Variants in ABTB3 observed in about 807,000 individuals in gnomAD.
ABTB3 encodes ankyrin repeat- and BTB/POZ domain-containing protein 3.
the ABTB3 span, among the ~76,000 whole-genome samples, chr12:107,636,404 A>T: frequency 6.6e-6 from 1 of 152,292 alleles, no homozygotes; most frequent in South Asian, 2.1e-4. Context: ...TAGGTTGGGG[A>T]CTTTTCCTAC....
the ABTB3 span, among the ~76,000 whole-genome samples, chr12:107,566,714 A>G: frequency 6.6e-6 from 1 of 150,986 alleles, no homozygotes; most frequent in South Asian, 2.1e-4. Flanking sequence ...CAGTTCATGA[A>G]AGATCTTTTC....
At chr12:107,503,817 C>G in the ABTB3 span, among the ~76,000 whole-genome samples, 2 of 143,442 alleles carry the variant, frequency 1.4e-5, no homozygotes, top group East Asian at 2.0e-4. Context: ...CTGGTTAATA[C>G]AGTGGGGTGG....
the ABTB3 span, among the ~76,000 whole-genome samples, chr12:107,555,822 A>G: frequency 6.6e-6 from 1 of 152,210 alleles, no homozygotes; most frequent in Non-Finnish European, 1.5e-5. Context: ...TAGAGACTCA[A>G]TGCAGGTAGT....
chr12:107,389,845 TTTGTGTG>T, the ABTB3 span, among the ~76,000 whole-genome samples: 1 of 65,676 alleles, frequency 1.5e-5, no homozygotes, highest in Non-Finnish European at 3.0e-5. Flanking sequence ...TGTGTGTGTG[TTTGTGTG>T]TGTGTGTGTG....
At chr12:107,423,327 C>T in the ABTB3 span, among the ~76,000 whole-genome samples, 3 of 152,138 alleles carry the variant, frequency 2.0e-5, no homozygotes, top group Non-Finnish European at 4.4e-5. Flanking sequence ...TGCTTGATAC[C>T]CATTTTCAGA....
the ABTB3 span, among the ~76,000 whole-genome samples, chr12:107,452,268 C>T: frequency 6.6e-5 from 9 of 137,030 alleles, no homozygotes; most frequent in South Asian, 6.9e-4. Flanking sequence ...GAGTGAGTGG[C>T]GCGGTCTCCG....
chr12:107,478,551 C>T, the ABTB3 span, among the ~76,000 whole-genome samples: 1 of 152,104 alleles, frequency 6.6e-6, no homozygotes, highest in South Asian at 2.1e-4. Context: ...AATCCAGGTG[C>T]ATTAAGATAG....
chr12:107,653,780 T>TA, the ABTB3 span, among the ~76,000 whole-genome samples: 1 of 152,228 alleles, frequency 6.6e-6, no homozygotes, highest in Non-Finnish European at 1.5e-5. Flanking sequence ...TGTATTATGG[T>TA]AAAATGTACA....
chr12:107,568,702 CT>C, the ABTB3 span, among the ~76,000 whole-genome samples: 7 of 152,164 alleles, frequency 4.6e-5, no homozygotes, highest in African/African-American at 1.4e-4. Context: ...CCCTCGTGGG[CT>C]TTTTCCCCTA....
At chr12:107,555,036 G>C in the ABTB3 span, among the ~76,000 whole-genome samples, 1,881 of 152,232 alleles carry the variant, frequency 0.012, 22 homozygotes, top group Non-Finnish European at 0.019. Context: ...GCTGAAATGA[G>C]TGGGTCCCCA....
At chr12:107,636,144 C>T in the ABTB3 span, among the ~76,000 whole-genome samples, 2 of 152,050 alleles carry the variant, frequency 1.3e-5, no homozygotes, top group Non-Finnish European at 2.9e-5. Context: ...CAGGTGTGCC[C>T]GGAAGCTGTA....
the ABTB3 span, among the ~76,000 whole-genome samples, chr12:107,384,442 C>T: frequency 6.6e-6 from 1 of 152,080 alleles, no homozygotes; most frequent in Non-Finnish European, 1.5e-5. Flanking sequence ...GAATGGAGAC[C>T]CTGGTTGGGT....
the ABTB3 span, among the ~76,000 whole-genome samples, chr12:107,328,813 G>C: frequency 6.6e-6 from 1 of 152,242 alleles, no homozygotes; most frequent in Non-Finnish European, 1.5e-5. Flanking sequence ...GGGGCCCCCA[G>C]GAGGATCCCA....
the ABTB3 span, among the ~76,000 whole-genome samples, chr12:107,615,775 G>A: frequency 6.6e-6 from 1 of 152,190 alleles, no homozygotes; most frequent in East Asian, 1.9e-4. Flanking sequence ...TCTGGCTGTT[G>A]TAGAGTTGGT....
chr12:107,647,395 C>T, the ABTB3 span, among the ~76,000 whole-genome samples: 1 of 152,054 alleles, frequency 6.6e-6, no homozygotes, highest in Non-Finnish European at 1.5e-5. Flanking sequence ...GTCCTAGCTA[C>T]TTGGGAGGCT....
At chr12:107,480,372 T>A in the ABTB3 span, among the ~76,000 whole-genome samples, 3 of 152,248 alleles carry the variant, frequency 2.0e-5, no homozygotes, top group African/African-American at 7.2e-5. Context: ...CTAGAAAGAT[T>A]AGCTTGGCAG....
chr12:107,463,894 G>A, the ABTB3 span, among the ~76,000 whole-genome samples: 1 of 152,156 alleles, frequency 6.6e-6, no homozygotes, highest in African/African-American at 2.4e-5. Context: ...AGAAAAGATG[G>A]TTCCTACACT....
At chr12:107,585,134 G>A in the ABTB3 span, among the ~76,000 whole-genome samples, 20 of 152,240 alleles carry the variant, frequency 1.3e-4, no homozygotes, top group African/African-American at 2.6e-4. Flanking sequence ...ACAAGAGGCC[G>A]TTTTTCTGCT....
the ABTB3 span, among the ~76,000 whole-genome samples, chr12:107,613,330 C>A: frequency 6.6e-6 from 1 of 152,172 alleles, no homozygotes; most frequent in African/African-American, 2.4e-5. Flanking sequence ...CCACGCTCCC[C>A]CTCCAAACCC....
Sources: allele counts gnomAD v4.1 joint callset (sites outside exome capture counted in the v4.1 genomes callset), GRCh38; gene constraint gnomAD v4.1.1; transcripts MANE v1.5; gene names NCBI Gene and HGNC (gene_info 2026-07-23, HGNC 2026-07-21).